Variants in DNAH3 observed in about 807,000 individuals in gnomAD.
The protein encoded by DNAH3 is axonemal beta dynein heavy chain 3.
Under a neutral mutation model 432.5 loss-of-function variants are expected in DNAH3, and 332 were observed. The ratio of observed to expected loss-of-function variants is 0.77; its 90% CI spans 0.70 to 0.84. DNAH3 has a LOEUF of 0.84. DNAH3 is among the 40% of genes least tolerant of loss of function. DNAH3 has a pLI of 0.00. For missense variants in DNAH3, 4,861 were observed against 5,114.0 expected (o/e 0.95, Z 1.51); for synonymous variants, 1,956 against 1,900.2 (o/e 1.03, Z -0.76).
At chr16:20,953,736 T>C (rs984451869) in intron 55 of DNAH3, among the ~76,000 whole-genome samples, 25 of 151,450 alleles carry the variant, frequency 1.7e-4, no homozygotes, top group African/African-American at 5.6e-4. Context: ...TATGTCAGGC[T>C]ATTTTATTTA....
chr16:21,119,728 C>T (rs1436182803), intron 11 of DNAH3, among the ~76,000 whole-genome samples: 1 of 151,984 alleles, frequency 6.6e-6, no homozygotes, highest in Non-Finnish European at 1.5e-5. Flanking sequence ...TCCCGAGTAG[C>T]TGGGACTACA....
At chr16:21,060,816 G>T (rs978949965) in intron 25 of DNAH3, among the ~76,000 whole-genome samples, 2 of 144,746 alleles carry the variant, frequency 1.4e-5, no homozygotes, top group African/African-American at 2.5e-5. Context: ...GAACCACTGC[G>T]CCTGGTCTCT....
rs369001374 is a variant in DNAH3, at chr16:21,155,621, CAAAA to C, written c.117+3700_117+3703del. Among the ~76,000 whole-genome samples, 253 of 76,758 alleles carry C rather than the reference CAAAA, an allele frequency of 3.3e-3. 2 individuals carry two copies. Among genetic ancestry groups the C allele is most frequent in the Non-Finnish European group, 2.5e-3 (105 of 42,258 alleles). 50.4% of individuals were successfully genotyped at this position (76,758 alleles called of 152,430 possible). The stretch of plus-strand genomic sequence containing the variant: ...TGGGAGACAGAGCAAGACTCCGTCT[CAAAA>C]AAAAAAAAAAAAAAAAAAAGTTTTA... On this transcript the variant is annotated intron_variant, in intron 1 of 61. Transcript: ENST00000261383.
intron 21 of DNAH3, among the ~76,000 whole-genome samples, chr16:21,073,266 C>G (rs531599080): frequency 3.9e-5 from 6 of 152,222 alleles, no homozygotes; most frequent in Non-Finnish European, 2.9e-5. Context: ...CCCCATTTAG[C>G]TACTGATCCT....
At chr16:21,059,736 C>T (rs2090277207) in intron 26 of DNAH3, among the ~76,000 whole-genome samples, 1 of 150,198 alleles carries the variant, frequency 6.7e-6, no homozygotes, top group African/African-American at 2.5e-5. Context: ...GATCGTACCA[C>T]TGCATTTCAG....
chr16:20,959,969 A>G (rs2084746176), intron 53 of DNAH3, among the ~76,000 whole-genome samples: 1 of 152,134 alleles, frequency 6.6e-6, no homozygotes, highest in Non-Finnish European at 1.5e-5. Flanking sequence ...ATTTTTGCCA[A>G]TTTATTTTAA....
intron 8 of DNAH3, 64 bp downstream of exon 9, chr16:21,127,623 T>C: frequency 3.8e-6 from 6 of 1,578,304 alleles, no homozygotes; most frequent in Non-Finnish European, 5.2e-6. Flanking sequence ...ACCAGCTTCA[T>C]TTCAGAGGGT....
chr16:21,049,906 T>A lies in DNAH3; in HGVS notation c.4347+4A>T, dbSNP rs764066081. 1 of 1,612,730 alleles carries A rather than the reference T, an allele frequency of 6.2e-7. No homozygotes were observed. The highest frequency in any genetic ancestry group is 8.5e-7 in the Non-Finnish European group (1 of 1,178,696). Reference sequence around the variant, plus strand: ...GAGGGAGGGGATAGATGGCATTTGCTTACCTGCTTAGCCAAGGCTTTGGCC... The same window carrying A: ...GAGGGAGGGGATAGATGGCATTTGCATACCTGCTTAGCCAAGGCTTTGGCC... On this transcript the variant is annotated splice_donor_region_variant and intron_variant, in intron 30 of 61. Coordinates refer to ENST00000261383, the Ensembl canonical transcript of DNAH3.
chr16:21,088,022 C>T (rs1035734498), intron 18 of DNAH3, among the ~76,000 whole-genome samples: 2 of 152,018 alleles, frequency 1.3e-5, no homozygotes, highest in Non-Finnish European at 2.9e-5. Context: ...CACATCCAGC[C>T]AAGACCTTTC....
chr16:20,987,195 G>A, intron 47 of DNAH3, 110 bp downstream of exon 47: 2 of 1,310,616 alleles, frequency 1.5e-6, no homozygotes, highest in Non-Finnish European at 2.1e-6. Flanking sequence ...CCGAGATTCA[G>A]AGTGCAGAGC....
At chr16:20,984,179 GTA>G (rs747901950) in intron 48 of DNAH3, among the ~76,000 whole-genome samples, 7 of 151,552 alleles carry the variant, frequency 4.6e-5, no homozygotes, top group East Asian at 1.9e-4. Flanking sequence ...GTGTGTGTGT[GTA>G]TATGTGTGCA....
intron 48 of DNAH3, among the ~76,000 whole-genome samples, chr16:20,983,990 G>GGTTCACTCCACTCCACCACATCACAC (rs2086045160): frequency 7.0e-6 from 1 of 143,702 alleles, no homozygotes; most frequent in Admixed American, 7.3e-5. Flanking sequence ...CCACATCACT[G>GGTTCACTCCACTCCACCACATCACAC]CACTCCAGCC....
At chr16:21,083,992 G>A (rs535028834) in intron 19 of DNAH3, among the ~76,000 whole-genome samples, 22 of 152,136 alleles carry the variant, frequency 1.4e-4, no homozygotes, top group Non-Finnish European at 2.6e-4. Flanking sequence ...CTCTCTCACT[G>A]TGGTTTACTG....
At chr16:21,121,909 A>C (rs1472757566) in intron 10 of DNAH3, 36 bp downstream of exon 11, 7 of 1,545,952 alleles carry the variant, frequency 4.5e-6, no homozygotes, top group African/African-American at 1.4e-5. Flanking sequence ...CTAAGTGAAA[A>C]AATCATGCAA....
At chr16:21,060,815 C>T (rs1467875167) in intron 25 of DNAH3, among the ~76,000 whole-genome samples, 8 of 147,056 alleles carry the variant, frequency 5.4e-5, no homozygotes, top group South Asian at 2.2e-4. Context: ...TGAACCACTG[C>T]GCCTGGTCTC....
chr16:20,975,172 T>G, intron 51 of DNAH3, 61 bp downstream of exon 51: 1 of 1,570,468 alleles, frequency 6.4e-7, no homozygotes, highest in South Asian at 1.2e-5. Flanking sequence ...ATCCGTAAGA[T>G]GGGTATAACC....
intron 1 of DNAH3, among the ~76,000 whole-genome samples, chr16:21,159,147 C>A (rs1027676341): frequency 6.6e-6 from 1 of 152,072 alleles, no homozygotes; most frequent in Non-Finnish European, 1.5e-5. Flanking sequence ...AAACGGGCGC[C>A]TTCCTCACCA....
At chr16:20,998,764 G>GC (rs1190858326) in intron 43 of DNAH3, among the ~76,000 whole-genome samples, 1 of 119,530 alleles carries the variant, frequency 8.4e-6, no homozygotes, top group Non-Finnish European at 1.8e-5. Flanking sequence ...AAAAAAAAAA[G>GC]GGGGGGGCTC....
intron 58 of DNAH3, 120 bp downstream of exon 58, chr16:20,944,376 G>A: frequency 8.5e-7 from 1 of 1,178,114 alleles, no homozygotes. Flanking sequence ...CCCTGCCCTT[G>A]GCCAGGAGGC....
Sources: gnomAD v4.1 joint callset for allele counts (sites outside exome capture counted in the v4.1 genomes callset) on GRCh38, gnomAD v4.1.1 for gene constraint, MANE v1.5 for transcripts, NCBI Gene and HGNC (gene_info 2026-07-23, HGNC 2026-07-21) for gene names.